The following FOXR1 variants were observed in gnomAD, a reference collection of about 807,000 sequenced individuals.
The protein encoded by FOXR1 is forkhead box protein R1.
FOXR1 carries 25 observed loss-of-function variants against 34.5 expected under a neutral mutation model. The ratio of observed to expected loss-of-function variants is 0.72; its 90% CI spans 0.53 to 1.01. The LOEUF is 1.01. Among genes scored for constraint, FOXR1 ranks in the 50% least tolerant of loss-of-function variants. FOXR1 has a pLI of 0.00. For missense variants in FOXR1, 373 were observed against 376.2 expected, an observed-to-expected ratio of 0.99 and a Z score of 0.07; for synonymous variants, 153 against 141.6, an observed-to-expected ratio of 1.08 and a Z score of -0.57.
intron 1 of FOXR1, among the ~76,000 whole-genome samples, chr11:118,974,273 A>G (rs1262017971): frequency 6.6e-6 from 1 of 152,250 alleles, no homozygotes; most frequent in Non-Finnish European, 1.5e-5. Context: ...TGCTCAGGCT[A>G]GAGTGCAGTG....
chr11:118,977,717 T>TATGAG (rs1941796714), intron 1 of FOXR1, among the ~76,000 whole-genome samples: 1 of 152,176 alleles, frequency 6.6e-6, no homozygotes, highest in Non-Finnish European at 1.5e-5. Flanking sequence ...ATAATGACAC[T>TATGAG]CATAGGGACA....
At chr11:118,977,548 C>A (rs917131602) in intron 1 of FOXR1, among the ~76,000 whole-genome samples, 8 of 151,826 alleles carry the variant, frequency 5.3e-5, no homozygotes, top group African/African-American at 1.7e-4. Flanking sequence ...CAAGCAAGAC[C>A]CTGTCTCCAA....
intron 1 of FOXR1, among the ~76,000 whole-genome samples, 191 bp downstream of exon 1, chr11:118,972,183 AACTCT>A (rs1941717263): frequency 6.8e-6 from 1 of 147,426 alleles, no homozygotes; most frequent in Non-Finnish European, 1.5e-5. Flanking sequence ...CCCACTCGCG[AACTCT>A]ACTCGGGAGT....
intron 1 of FOXR1, among the ~76,000 whole-genome samples, chr11:118,973,655 A>G (rs567239128): frequency 4.0e-5 from 6 of 151,300 alleles, no homozygotes; most frequent in Non-Finnish European, 8.8e-5. Context: ...TCAGCCTCCC[A>G]AAGTGCTAGA....
In FOXR1 at chr11:118,971,941, G is replaced by C. The variant is rs1326896395; in HGVS notation, c.10G>C (p.Glu4Gln). MGN[E>Q]LFLAFTTSHL... ...ACTGCTGGACTGGGACATGGGGAAC[G>C]AGCTCTTTCTGGCCTTCACCACATC... is the stretch of plus-strand genomic sequence containing the variant. Residue 4 changes from glutamate (E) to glutamine (Q), a missense_variant, in exon 1 of 6, where the codon GAG becomes CAG. Coordinates refer to ENST00000317011, the MANE Select transcript of FOXR1 (RefSeq NM_181721.3). 1.3e-6 allele frequency: 2 copies of C among 1,555,766 alleles called. No homozygotes were observed. The highest frequency in any genetic ancestry group is 1.4e-5 in the African/African-American group (1 of 73,338).
In FOXR1 at chr11:118,971,937, G is replaced by T; in HGVS notation, c.6G>T (p.Gly2=). Residue 2 remains glycine (G), a synonymous_variant, in exon 1 of 6, where the codon GGG becomes GGT. Coordinates refer to ENST00000317011, the MANE Select transcript of FOXR1 (RefSeq NM_181721.3). M[G]NELFLAFTTS... Reference sequence around the variant, plus strand: ...CGGGACTGCTGGACTGGGACATGGGGAACGAGCTCTTTCTGGCCTTCACCA... The same window carrying T: ...CGGGACTGCTGGACTGGGACATGGGTAACGAGCTCTTTCTGGCCTTCACCA... 1 of 1,555,456 alleles carries T rather than the reference G, an allele frequency of 6.4e-7. No homozygotes were observed. The highest frequency in any genetic ancestry group is 1.2e-5 in the South Asian group (1 of 84,306).
chr11:118,975,138 A>C (rs906751058), intron 1 of FOXR1, among the ~76,000 whole-genome samples: 1 of 152,110 alleles, frequency 6.6e-6, no homozygotes, highest in Non-Finnish European at 1.5e-5. Flanking sequence ...GAGAGAAGAG[A>C]GATAACTAGC....
At chr11:118,973,641 C>A (rs1003589155) in intron 1 of FOXR1, among the ~76,000 whole-genome samples, 1 of 151,406 alleles carries the variant, frequency 6.6e-6, no homozygotes, top group African/African-American at 2.4e-5. Flanking sequence ...CATGATCCGC[C>A]GTCTCAGCCT....
At position 118,971,832 on chromosome 11, in the gene FOXR1, C is replaced by T. The variant is rs1254585305; in HGVS notation, c.-100C>T. 2 of 1,342,854 alleles carry T rather than the reference C, an allele frequency of 1.5e-6. No individual in the cohort carries two copies. The highest frequency in any genetic ancestry group is 2.1e-6 in the Non-Finnish European group (2 of 963,904). The allele number at this position is 1,342,854 out of a possible 1,614,324, so 83.2% of individuals were successfully genotyped here. A position where few individuals can be genotyped will look rare whatever the true frequency, so the allele number is the denominator to read the frequency against. On this transcript the variant is annotated 5_prime_UTR_variant, in exon 1 of 6. Coordinates refer to ENST00000317011, the MANE Select transcript of FOXR1 (RefSeq NM_181721.3). Reference sequence around the variant, plus strand: ...CCCACTCCGCGTCCCCACTCCGCGCCGCCGCGCCTCTGCCAGCCCCGAAGG... The same window carrying T: ...CCCACTCCGCGTCCCCACTCCGCGCTGCCGCGCCTCTGCCAGCCCCGAAGG...
chr11:118,980,693 G>C lies in FOXR1; in HGVS notation c.815G>C (p.Arg272Pro), dbSNP rs781912369. ...AEEARALAST[R>P]LESIQQCMSQ... Reference sequence around the variant, plus strand: ...GAGGCCCGCGCCTTGGCTTCCACTCGGCTAGAAAGTATCCAACAGTGCATG... The same window carrying C: ...GAGGCCCGCGCCTTGGCTTCCACTCCGCTAGAAAGTATCCAACAGTGCATG... The change falls in exon 5 of 6, where the codon CGG (arginine) becomes CCG (proline). Residue 272 changes from arginine to proline, a missense_variant. Arg to Pro is a moderately radical substitution (Grantham distance 103, BLOSUM62 -2). Transcript: ENST00000317011. 1 of 1,613,798 alleles carries C rather than the reference G, an allele frequency of 6.2e-7. No individual in the cohort carries two copies.
intron 1 of FOXR1, among the ~76,000 whole-genome samples, chr11:118,976,981 G>C (rs547174038): frequency 6.9e-6 from 1 of 145,582 alleles, no homozygotes; most frequent in Non-Finnish European, 1.5e-5. Flanking sequence ...TTGAAGTTTT[G>C]CTATTTTGTT....
intron 4 of FOXR1, 145 bp downstream of exon 4, chr11:118,979,813 C>G: frequency 1.4e-6 from 1 of 698,346 alleles, no homozygotes. Context: ...GTTCCCTTTT[C>G]CCAGGTGCAT....
rs1487966498 is a variant in FOXR1, at chr11:118,981,232, T to G, written c.875T>G (p.Leu292Arg). The change falls in exon 6 of 6, where the codon CTT becomes CGT. Residue 292 changes from leucine to arginine, a missense_variant. By Grantham distance (102) the Leu-to-Arg change is moderately radical. Transcript: ENST00000317011. Reference protein sequence around the residue: ...QPDVMPFLFDL With the variant: ...QPDVMPFLFDR ...GATGTGATGCCCTTCCTCTTTGATC[T>G]TTAACCCCAAGAAGCAACAGCCAGC... 1 of 1,614,114 alleles carries G rather than the reference T, an allele frequency of 6.2e-7. No homozygotes were observed.
rs186670131 is a variant in FOXR1, at chr11:118,975,717, C to T, written c.62-3065C>T. ...GAAAGAGAGGGGAAGATTTGTGGAACAACATCCTTGAAAAAGCATGGGGGA... is the reference window on the plus strand; with the variant it reads ...GAAAGAGAGGGGAAGATTTGTGGAATAACATCCTTGAAAAAGCATGGGGGA... On this transcript the variant is annotated intron_variant, in intron 1 of 5. Coordinates refer to ENST00000317011, the MANE Select transcript of FOXR1 (RefSeq NM_181721.3). Among the ~76,000 whole-genome samples the T allele has an allele frequency of 1.9e-3, 292 of 152,246 alleles. 1 individual carries two copies. The highest frequency in any genetic ancestry group is 6.7e-3 in the African/African-American group (279 of 41,544).
At chr11:118,975,858 C>T (rs1157439953) in intron 1 of FOXR1, among the ~76,000 whole-genome samples, 1 of 152,178 alleles carries the variant, frequency 6.6e-6, no homozygotes, top group African/African-American at 2.4e-5. Context: ...TATGTCCACC[C>T]TTATTTAACT....
chr11:118,973,943 T>A (rs1941747650), intron 1 of FOXR1, among the ~76,000 whole-genome samples: 1 of 149,582 alleles, frequency 6.7e-6, no homozygotes, highest in African/African-American at 2.5e-5. Context: ...AGTGATCCGC[T>A]TCCCTCAGCC....
chr11:118,975,509 C>T (rs77565610), intron 1 of FOXR1, among the ~76,000 whole-genome samples: 1 of 46,404 alleles, frequency 2.2e-5, no homozygotes, highest in African/African-American at 6.9e-5. Context: ...TCTTGAGCAG[C>T]CTTGAGCAGC....
Position 118,979,000 on chromosome 11 carries a change from C to T in FOXR1, c.180C>T (p.Asn60=). 1.2e-6 allele frequency: 2 copies of T among 1,602,316 alleles called. No homozygotes were observed. The highest frequency in any genetic ancestry group is 8.5e-7 in the Non-Finnish European group (1 of 1,173,436). The change falls in exon 3 of 6, where the codon AAC becomes AAT. Residue 60 remains asparagine (N), a synonymous_variant. Transcript: ENST00000317011. Reference sequence around the variant, plus strand: ...ACCTCTGGATGTGGGTAAATCCCAACATTGTGTATCCCCCTGGAAAGCTGG... The same window carrying T: ...ACCTCTGGATGTGGGTAAATCCCAATATTGTGTATCCCCCTGGAAAGCTGG... The part of the protein sequence containing the change: ...EPNLWMWVNP[N]IVYPPGKLEV...
intron 4 of FOXR1, among the ~76,000 whole-genome samples, chr11:118,979,933 G>A (rs1310351359): frequency 6.6e-6 from 1 of 151,956 alleles, no homozygotes; most frequent in Non-Finnish European, 1.5e-5. Context: ...ATTCACTTGG[G>A]TCAGGTAACA....
Sources: allele counts gnomAD v4.1 joint callset (sites outside exome capture counted in the v4.1 genomes callset), GRCh38; gene constraint gnomAD v4.1.1; transcripts MANE v1.5; gene names NCBI Gene and HGNC (gene_info 2026-07-23, HGNC 2026-07-21).